KCNG4: variants seen among roughly 807,000 people sequenced by gnomAD.
The protein encoded by KCNG4 is voltage-gated potassium channel regulatory subunit KCNG4.
A neutral mutation model predicts 28.2 loss-of-function variants in KCNG4; 30 were observed. The ratio of observed to expected loss-of-function variants is 1.06; its 90% confidence interval spans 0.80 to 1.44. The LOEUF (loss-of-function observed/expected upper bound fraction) is 1.44, where lower values mean the gene tolerates loss of function less well. Among genes scored for constraint, KCNG4 ranks in the 40% most tolerant of loss-of-function variants. The pLI, the probability that KCNG4 is intolerant of heterozygous loss-of-function variation, is 0.00. For missense variants in KCNG4, 879 were observed against 712.3 expected, an observed-to-expected ratio of 1.23 and a Z score of -2.66; for synonymous variants, 375 against 315.5, an observed-to-expected ratio of 1.19 and a Z score of -2.00.
chr16:84,230,925 C>T (rs1904813363), intron 2 of KCNG4, among the ~76,000 whole-genome samples: 1 of 152,226 alleles, frequency 6.6e-6, no homozygotes, highest in Non-Finnish European at 1.5e-5. Context: ...CCAGAGCAGG[C>T]TCTCAGAAAA....
chr16:84,236,769 A>G lies in KCNG4; in HGVS notation c.717T>C (p.Cys239=). The G allele has an allele frequency of 1.9e-6, 3 of 1,613,772 alleles. No homozygotes were observed. In the South Asian group the frequency reaches 3.3e-5, roughly 18 times the overall value. Residue 239 remains cysteine (C), a synonymous_variant, in exon 2 of 3, where the codon TGT becomes TGC. Coordinates refer to ENST00000308251, the MANE Select transcript of KCNG4 (RefSeq NM_172347.3). ...CCCTGAGGTCGGGCATGGTGCTGAC[A>G]CACAGGCTGACGGCTGTGGTGGCCA... ...LFVATTAVSL[C]VSTMPDLRAE...
Position 84,220,824 on chromosome 16 carries a change from C to T in KCNG4, c.*1393G>A, listed in dbSNP as rs537034048. On this transcript the variant is annotated 3_prime_UTR_variant, in exon 3 of 3. Coordinates refer to ENST00000308251, the MANE Select transcript of KCNG4 (RefSeq NM_172347.3). ...GTCTTGCCTGAATGGCTCAATGGCT[C>T]CTCATCCCAAACTGGGCTTCTCATG... 3.3e-5 allele frequency: 5 copies of T among 152,432 alleles called. No homozygotes were observed. Among genetic ancestry groups the T allele is most frequent in the Admixed American group, 1.3e-4 (2 of 15,304 alleles). The allele number at this position is 152,432 out of a possible 1,614,324, so 9.4% of individuals were successfully genotyped here. A position where few individuals can be genotyped will look rare whatever the true frequency, so the allele number is the denominator to read the frequency against.
chr16:84,236,674 T>C (rs1330705703), intron 2 of KCNG4, 56 bp downstream of exon 2: 2 of 1,529,606 alleles, frequency 1.3e-6, no homozygotes, highest in East Asian at 4.6e-5. Flanking sequence ...CTAAAAGACA[T>C]CTCCGCCCAG....
In KCNG4 at chr16:84,221,662, G is replaced by A. The variant is rs1377459741; in HGVS notation, c.*555C>T. On this transcript the variant is annotated 3_prime_UTR_variant, in exon 3 of 3. Coordinates refer to ENST00000308251, the MANE Select transcript of KCNG4 (RefSeq NM_172347.3). ...AAGTGTTCAGAGCTGGCGGGAGGTA[G>A]CAGCATTAGGGAAATATCACTGGTG... is the stretch of plus-strand genomic sequence containing the variant. 1 of 153,474 alleles carries A rather than the reference G, an allele frequency of 6.5e-6. No homozygotes were observed. The highest frequency in any genetic ancestry group is 2.4e-5 in the African/African-American group (1 of 41,474). 9.5% of individuals were successfully genotyped at this position (153,474 alleles called of 1,614,324 possible). A position where few individuals can be genotyped will look rare whatever the true frequency, so the allele number is the denominator to read the frequency against.
chr16:84,233,922 C>G (rs950425729), intron 2 of KCNG4, among the ~76,000 whole-genome samples: 3 of 152,146 alleles, frequency 2.0e-5, no homozygotes, highest in African/African-American at 7.2e-5. Flanking sequence ...GATAAAACCT[C>G]TCTGAGCCTC....
Position 84,226,533 on chromosome 16 carries a change from T to C in KCNG4, c.757-3513A>G, listed in dbSNP as rs1904701513. 6.6e-6 allele frequency among the ~76,000 whole-genome samples: 1 copy of C among 151,872 alleles called. No homozygotes were observed. Among genetic ancestry groups the C allele is most frequent in the Non-Finnish European group, 1.5e-5 (1 of 67,974 alleles). On this transcript the variant is annotated intron_variant, in intron 2 of 2. Coordinates refer to ENST00000308251, the MANE Select transcript of KCNG4 (RefSeq NM_172347.3). The surrounding 1 kb of genome is among the most constrained non-coding windows in gnomAD (Gnocchi z 4.1). Reference sequence around the variant, plus strand: ...ACTGTAGAAGAAAAATAGTAACAAATGATTATAAGTGATCTGAGGTGGAGA... The same window carrying C: ...ACTGTAGAAGAAAAATAGTAACAAACGATTATAAGTGATCTGAGGTGGAGA...
intron 2 of KCNG4, among the ~76,000 whole-genome samples, chr16:84,223,874 G>T (rs1405475423): frequency 2.6e-5 from 4 of 152,184 alleles, no homozygotes; most frequent in Admixed American, 1.3e-4. Flanking sequence ...ATGGCTTGAA[G>T]GCTGGTGGGG....
At chr16:84,223,947 C>T (rs941106229) in intron 2 of KCNG4, among the ~76,000 whole-genome samples, 1 of 152,244 alleles carries the variant, frequency 6.6e-6, no homozygotes, top group East Asian at 1.9e-4. Flanking sequence ...CATCGACATG[C>T]GGGATTCTAG....
chr16:84,224,350 C>T (rs1904647702), intron 2 of KCNG4, among the ~76,000 whole-genome samples: 2 of 151,494 alleles, frequency 1.3e-5, no homozygotes, highest in Non-Finnish European at 2.9e-5. Context: ...TTCCAGAACC[C>T]CCATGGATAA....
At chr16:84,228,343 G>A (rs542910891) in intron 2 of KCNG4, among the ~76,000 whole-genome samples, 2 of 152,302 alleles carry the variant, frequency 1.3e-5, no homozygotes, top group African/African-American at 2.4e-5. Context: ...CCATTCTGCA[G>A]CTCGGCATCC....
In KCNG4 at chr16:84,236,922, C is replaced by G. The variant is rs1257228447; in HGVS notation, c.564G>C (p.Arg188Ser). The stretch of plus-strand genomic sequence containing the variant: ...AGTGCGAGGCGGGGCGGCGGGTCTC[C>G]CTCTGCTGCCTCAGTACGTCCTCCC... ...LHREDVLRQQ[R>S]ETRRPASHSS... Residue 188 changes from arginine to serine, a missense_variant, in exon 2 of 3, where the codon AGG becomes AGC. Arg to Ser is a moderately radical substitution (Grantham distance 110). Coordinates refer to ENST00000308251, the MANE Select transcript of KCNG4 (RefSeq NM_172347.3). 11 of 1,613,440 alleles carry G rather than the reference C, an allele frequency of 6.8e-6. No homozygotes were observed. Among genetic ancestry groups the G allele is most frequent in the Non-Finnish European group, 9.3e-6 (11 of 1,180,026 alleles).
rs1269077877 is a variant in KCNG4, at chr16:84,221,485, G to C, written c.*732C>G. Reference sequence around the variant, plus strand: ...TGCTGGAAAGTGGAGTTTCTGCCCAGGTCCCAGGTCCCAGGTCCCAGGTCA... The same window carrying C: ...TGCTGGAAAGTGGAGTTTCTGCCCACGTCCCAGGTCCCAGGTCCCAGGTCA... On this transcript the variant is annotated 3_prime_UTR_variant, in exon 3 of 3. Coordinates refer to ENST00000308251, the MANE Select transcript of KCNG4 (RefSeq NM_172347.3). The C allele has an allele frequency of 6.6e-6, 1 of 152,078 alleles. No individual in the cohort carries two copies. Among genetic ancestry groups the C allele is most frequent in the Non-Finnish European group, 1.5e-5 (1 of 68,038 alleles). The allele number at this position is 152,078 out of a possible 1,614,324, so 9.4% of individuals were successfully genotyped here.
At chr16:84,237,920 A>G (rs1033275211) in intron 1 of KCNG4, among the ~76,000 whole-genome samples, 1 of 152,086 alleles carries the variant, frequency 6.6e-6, no homozygotes, top group Admixed American at 6.5e-5. Flanking sequence ...GACTCATACT[A>G]ATCTTGCAAG....
chr16:84,222,779 C>A lies in KCNG4; in HGVS notation c.998G>T (p.Gly333Val), dbSNP rs1415077068. 6.2e-7 allele frequency: 1 copy of A among 1,610,910 alleles called. No individual in the cohort carries two copies. The highest frequency in any genetic ancestry group is 8.5e-7 in the Non-Finnish European group (1 of 1,177,994). Residue 333 changes from glycine to valine, a missense_variant, in exon 3 of 3, where the codon GGG becomes GTG. Gly to Val is a moderately radical substitution (Grantham distance 109). Transcript: ENST00000308251. ...CGCTCGCAGCACACGCAGGACCAGC[C>A]CCACCTTCTCCAGGTAGGAGCTCCC... ...PSGSSYLEKV[G>V]LVLRVLRALR...
rs572771494 is a variant in KCNG4, at chr16:84,222,697, C to T, written c.1080G>A (p.Leu360=). ...GTGTGCAACGGCGCACGGTGAGCCC[C>T]AGCGTCTGCAGCCCCAGCGAGTGGC... ...LARHSLGLQT[L]GLTVRRCTRE... is the part of the protein sequence containing the mutation. The change falls in exon 3 of 3, where the codon CTG becomes CTA. Residue 360 remains leucine, a synonymous_variant. Coordinates refer to ENST00000308251, the MANE Select transcript of KCNG4 (RefSeq NM_172347.3). 1 of 1,613,306 alleles carries T rather than the reference C, an allele frequency of 6.2e-7. No homozygotes were observed. The highest frequency in any genetic ancestry group is 2.2e-5 in the East Asian group (1 of 44,850).
intron 1 of KCNG4, 33 bp from the exon 2 acceptor site, chr16:84,237,558 G>A: frequency 1.4e-6 from 2 of 1,396,336 alleles, no homozygotes; most frequent in Non-Finnish European, 1.9e-6. Flanking sequence ...CAAGCAAAAG[G>A]AAGGGAAATC....
intron 2 of KCNG4, among the ~76,000 whole-genome samples, chr16:84,232,372 A>G (rs1597619773): frequency 6.6e-6 from 1 of 152,204 alleles, no homozygotes; most frequent in African/African-American, 2.4e-5. Flanking sequence ...AATGTCCAGA[A>G]TAGGCTAATT....
At chr16:84,227,773 C>A (rs1399896559) in intron 2 of KCNG4, among the ~76,000 whole-genome samples, 2 of 152,130 alleles carry the variant, frequency 1.3e-5, no homozygotes, top group Non-Finnish European at 2.9e-5. Context: ...CGTGCTACAA[C>A]ATGGATGCAC....
In KCNG4 at chr16:84,226,395, G is replaced by T. The variant is rs534563312; in HGVS notation, c.757-3375C>A. ...GAAGGGCCACGAGGGAGCTTTCTGG[G>T]GTCACAGAAATATTCTATACTCACA... On this transcript the variant is annotated intron_variant, in intron 2 of 2. Transcript: ENST00000308251. This position sits in a 1 kb window ranked among gnomAD's most constrained non-coding sequence, Gnocchi z 4.1. Among the ~76,000 whole-genome samples the T allele has an allele frequency of 4.6e-5, 7 of 152,238 alleles. No homozygotes were observed. The highest frequency in any genetic ancestry group is 2.0e-4 in the Admixed American group (3 of 15,296).
Sources: allele counts gnomAD v4.1 joint callset (sites outside exome capture counted in the v4.1 genomes callset), GRCh38; gene constraint gnomAD v4.1.1; non-coding constraint Gnocchi (gnomAD v3.1); transcripts MANE v1.5; gene names NCBI Gene and HGNC (gene_info 2026-07-23, HGNC 2026-07-21).